Variants in WDR45B observed in about 807,000 individuals in gnomAD.
WDR45B encodes the protein WD repeat domain phosphoinositide-interacting protein 3.
A neutral mutation model predicts 44.6 loss-of-function variants in WDR45B; 20 were observed. That is an observed-to-expected ratio of 0.45 (90% CI 0.32 to 0.65). The LOEUF (loss-of-function observed/expected upper bound fraction) is 0.65, where lower values mean the gene tolerates loss of function less well. WDR45B is among the 30% of genes least tolerant of loss of function. The probability of loss-of-function intolerance (pLI) is 0.05; values close to 1 mark genes in which losing one functional copy is unlikely to be tolerated. For synonymous variants in WDR45B, 169 were observed against 164.9 expected (o/e 1.02, Z -0.19); for missense variants, 323 against 430.2 (o/e 0.75, Z 2.20).
Position 82,645,654 on chromosome 17 carries a change from A to G in WDR45B, c.68-1631T>C, listed in dbSNP as rs552214561. On this transcript the variant is annotated intron_variant, in intron 1 of 9. Coordinates refer to ENST00000392325, the MANE Select transcript of WDR45B (RefSeq NM_019613.4). ...TCTACTCCTAGGTATATAGAAGTAC[A>G]TGCCTGTGGAAATGTGAACATATGG... Among the ~76,000 whole-genome samples, 32 of 152,322 alleles carry G rather than the reference A, an allele frequency of 2.1e-4. 1 individual carries two copies. In the South Asian group the frequency reaches 6.4e-3, roughly 31 times the overall value.
At chr17:82,647,877 C>G (rs1035341295) in intron 1 of WDR45B, among the ~76,000 whole-genome samples, 1 of 151,626 alleles carries the variant, frequency 6.6e-6, no homozygotes, top group Non-Finnish European at 1.5e-5. Context: ...TGGGGAAAAT[C>G]CCGATAACCG....
At chr17:82,643,827 G>T in intron 2 of WDR45B, 122 bp downstream of exon 2, 1 of 914,498 alleles carries the variant, frequency 1.1e-6, no homozygotes, top group Non-Finnish European at 1.8e-6. Context: ...TTTATGAGGG[G>T]CCATGAACCC....
intron 6 of WDR45B, among the ~76,000 whole-genome samples, chr17:82,620,654 CCTT>C (rs1264471084): frequency 6.6e-6 from 1 of 152,124 alleles, no homozygotes; most frequent in Non-Finnish European, 1.5e-5. Context: ...GGTCTCACCT[CCTT>C]AACAATTTAT....
intron 2 of WDR45B, among the ~76,000 whole-genome samples, chr17:82,640,927 T>C (rs2045906519): frequency 6.6e-6 from 1 of 151,920 alleles, no homozygotes; most frequent in Non-Finnish European, 1.5e-5. Context: ...GACAATGGTA[T>C]ACTTTTCTGG....
intron 5 of WDR45B, among the ~76,000 whole-genome samples, chr17:82,622,536 C>A (rs959031685): frequency 6.6e-6 from 1 of 152,058 alleles, no homozygotes; most frequent in South Asian, 2.1e-4. Flanking sequence ...AGGTTCACGC[C>A]GTTCTCCTGC....
chr17:82,640,551 G>A (rs1262485896), intron 2 of WDR45B, among the ~76,000 whole-genome samples: 5 of 151,932 alleles, frequency 3.3e-5, no homozygotes, highest in African/African-American at 9.7e-5. Flanking sequence ...GGGTTTCACT[G>A]TGCCGGCCAG....
At chr17:82,637,803 T>C (rs1273499390) in intron 2 of WDR45B, among the ~76,000 whole-genome samples, 2 of 151,964 alleles carry the variant, frequency 1.3e-5, no homozygotes, top group South Asian at 2.1e-4. Context: ...TGGGATTTTA[T>C]GGAAGCTTCA....
rs11871040 is a variant in WDR45B at position 82,630,496 on chromosome 17, C to T, written c.244+425G>A. Among the ~76,000 whole-genome samples the T allele has an allele frequency of 5.4e-3, 817 of 152,242 alleles. 3 individuals are homozygous for T. The highest frequency in any genetic ancestry group is 0.019 in the African/African-American group (780 of 41,538). On this transcript the variant is annotated intron_variant, in intron 3 of 9. Transcript: ENST00000392325. ...ACGCCACATCATCTGCATACACACA[C>T]GTACTCCCACTCCGACAAACATATC...
chr17:82,640,069 G>A (rs2045893853), intron 2 of WDR45B, among the ~76,000 whole-genome samples: 1 of 138,962 alleles, frequency 7.2e-6, no homozygotes, highest in Non-Finnish European at 1.6e-5. Flanking sequence ...GGACAACACT[G>A]CCCCCCAAGA....
At chr17:82,646,513 C>CAAAAAAAAAAAAA (rs1491582349) in intron 1 of WDR45B, among the ~76,000 whole-genome samples, 1 of 27,080 alleles carries the variant, frequency 3.7e-5, no homozygotes, top group Non-Finnish European at 6.2e-5. Flanking sequence ...AAAAAAAAAA[C>CAAAAAAAAAAAAA]CCAAAACAAA....
At chr17:82,642,082 T>C (rs2045923638) in intron 2 of WDR45B, among the ~76,000 whole-genome samples, 1 of 152,194 alleles carries the variant, frequency 6.6e-6, no homozygotes, top group Non-Finnish European at 1.5e-5. Context: ...GGAAACTCCA[T>C]AGCCTGTCCC....
intron 2 of WDR45B, among the ~76,000 whole-genome samples, chr17:82,635,149 T>C (rs1339406811): frequency 6.6e-6 from 1 of 151,968 alleles, no homozygotes; most frequent in Non-Finnish European, 1.5e-5. Context: ...TGGTAAATTT[T>C]ATTTTACATA....
At chr17:82,627,066 C>T in intron 4 of WDR45B, 138 bp downstream of exon 4, 14 of 796,446 alleles carry the variant, frequency 1.8e-5, no homozygotes, top group Middle Eastern at 7.1e-4. Context: ...TCCTTATATC[C>T]TTATGGTCAT....
At chr17:82,630,523 C>T (rs1350079900) in intron 3 of WDR45B, among the ~76,000 whole-genome samples, 1 of 152,076 alleles carries the variant, frequency 6.6e-6, no homozygotes, top group Non-Finnish European at 1.5e-5. Flanking sequence ...AAACATATCC[C>T]GAAACCCAGA....
chr17:82,648,033 G>C (rs1232749484), intron 1 of WDR45B, among the ~76,000 whole-genome samples: 2 of 146,312 alleles, frequency 1.4e-5, no homozygotes, highest in Non-Finnish European at 3.0e-5. Context: ...AACCCGGGGG[G>C]TGGGGGAGCG....
chr17:82,646,513 C>CAAAAAAAAAA (rs1491582349), intron 1 of WDR45B, among the ~76,000 whole-genome samples: 2 of 27,080 alleles, frequency 7.4e-5, no homozygotes, highest in Non-Finnish European at 1.2e-4. Context: ...AAAAAAAAAA[C>CAAAAAAAAAA]CCAAAACAAA....
At chr17:82,621,973 A>G (rs1038163705) in intron 5 of WDR45B, among the ~76,000 whole-genome samples, 174 bp from the exon 6 acceptor site, 4 of 152,226 alleles carry the variant, frequency 2.6e-5, no homozygotes, top group Non-Finnish European at 5.9e-5. Flanking sequence ...GAGAGGGCTA[A>G]GCAAAGCTAC....
At chr17:82,638,760 T>G (rs1287366374) in intron 2 of WDR45B, among the ~76,000 whole-genome samples, 1 of 152,044 alleles carries the variant, frequency 6.6e-6, no homozygotes, top group African/African-American at 2.4e-5. Flanking sequence ...ATTATAAAAA[T>G]TATGCATCAT....
At chr17:82,643,149 A>G (rs1372475136) in intron 2 of WDR45B, among the ~76,000 whole-genome samples, 2 of 152,178 alleles carry the variant, frequency 1.3e-5, no homozygotes, top group Non-Finnish European at 2.9e-5. Context: ...AAAGAAAGTG[A>G]GGTGGCCGGG....
Sources: allele counts gnomAD v4.1 joint callset (sites outside exome capture counted in the v4.1 genomes callset), GRCh38; gene constraint gnomAD v4.1.1; transcripts MANE v1.5; gene names NCBI Gene and HGNC (gene_info 2026-07-23, HGNC 2026-07-21).